The following RRM1 variants were observed in gnomAD, a reference collection of about 807,000 sequenced individuals.
RRM1 encodes ribonucleoside-diphosphate reductase large subunit.
Under a neutral mutation model 101.5 loss-of-function variants are expected in RRM1, and 19 were observed. That is an observed-to-expected ratio of 0.19 (90% confidence interval 0.13 to 0.27). The LOEUF is 0.27. Among genes scored for constraint, RRM1 ranks in the 10% least tolerant of loss-of-function variants. RRM1 has a pLI of 1.00. For synonymous variants in RRM1, 298 were observed against 323.4 expected (o/e 0.92, Z 0.84); for missense variants, 500 against 962.9 (o/e 0.52, Z 6.36).
At position 4,129,104 on chromosome 11, in the gene RRM1, C is replaced by G; in HGVS notation, c.1723C>G (p.Pro575Ala). ...ILQYDMWNVT[P>A]TDLWDWKVLK... is the part of the protein sequence containing the mutation. ...TCAGTATGATATGTGGAATGTTACT[C>G]CTACAGACCTATGGGACTGGAAGGT... The change falls in exon 15 of 19, where the codon CCT becomes GCT. Residue 575 changes from proline (P) to alanine (A), a missense_variant. This residue lies in a region of RRM1 where 106 missense variants were observed against 138.1 expected (regional missense o/e 0.77). Coordinates refer to ENST00000300738, the MANE Select transcript of RRM1 (RefSeq NM_001033.5). 1 of 1,601,526 alleles carries G rather than the reference C, an allele frequency of 6.2e-7. No individual in the cohort carries two copies. The highest frequency in any genetic ancestry group is 1.7e-5 in the Admixed American group (1 of 58,950).
chr11:4,101,784 G>C (rs140004341), intron 1 of RRM1: 4 of 476,810 alleles, frequency 8.4e-6, no homozygotes, highest in African/African-American at 6.1e-5. Context: ...ATCCGTAAAC[G>C]TCTGTCTGTA....
At position 4,127,267 on chromosome 11, in the gene RRM1, G is replaced by A; in HGVS notation, c.1692+11G>A. ...CCAGTTAGCAAAGGAGTAAGTATATGGATGGAATTGTTTTTGCCTGTGAGT... is the reference window on the plus strand; with the variant it reads ...CCAGTTAGCAAAGGAGTAAGTATATAGATGGAATTGTTTTTGCCTGTGAGT... On this transcript the variant is annotated intron_variant, in intron 14 of 18. Coordinates refer to ENST00000300738, the MANE Select transcript of RRM1 (RefSeq NM_001033.5). 6.5e-7 allele frequency: 1 copy of A among 1,540,358 alleles called. No homozygotes were observed. Among genetic ancestry groups the A allele is most frequent in the Non-Finnish European group, 8.7e-7 (1 of 1,146,446 alleles).
Position 4,118,310 on chromosome 11 carries a change from TC to T in RRM1, c.651-5del. 6.2e-7 allele frequency: 1 copy of T among 1,608,568 alleles called. No homozygotes were observed. The highest frequency in any genetic ancestry group is 1.1e-5 in the South Asian group (1 of 90,278). On this transcript the variant is annotated splice_polypyrimidine_tract_variant and intron_variant, in intron 7 of 18. Coordinates refer to ENST00000300738, the MANE Select transcript of RRM1 (RefSeq NM_001033.5). The stretch of plus-strand genomic sequence containing the variant: ...CCTTGCTCTAAGTTGAGACATTTTT[TC>T]CCCCGTAGCTGTTTTCTTCTGAGTA...
At chr11:4,108,241 T>C (rs980345904) in intron 4 of RRM1, among the ~76,000 whole-genome samples, 5 of 152,198 alleles carry the variant, frequency 3.3e-5, no homozygotes, top group African/African-American at 1.2e-4. Flanking sequence ...CCAGCCCTTT[T>C]ACACACAGGA....
chr11:4,121,490 A>T, intron 9 of RRM1, 114 bp from the exon 10 acceptor site: 2 of 592,488 alleles, frequency 3.4e-6, no homozygotes, highest in East Asian at 3.1e-5. Context: ...TATTTATGTT[A>T]TTTAATTCAT....
At chr11:4,109,559 T>C (rs2094562681) in intron 4 of RRM1, 85 bp from the exon 5 acceptor site, 2 of 1,016,914 alleles carry the variant, frequency 2.0e-6, no homozygotes, top group Non-Finnish European at 2.9e-6. Flanking sequence ...ATTTTAGTTC[T>C]GGAGTCAGGG....
intron 2 of RRM1, among the ~76,000 whole-genome samples, chr11:4,102,951 G>A (rs533272681): frequency 5.9e-5 from 9 of 152,102 alleles, no homozygotes; most frequent in African/African-American, 2.2e-4. Flanking sequence ...CTTCAAACTC[G>A]TCTTCCACCT....
chr11:4,100,189 T>C (rs1336341488), intron 1 of RRM1, among the ~76,000 whole-genome samples: 1 of 152,266 alleles, frequency 6.6e-6, no homozygotes, highest in East Asian at 1.9e-4. Context: ...GATAATGGGT[T>C]AATAGTGATG....
At chr11:4,124,120 C>T (rs1301760513) in intron 12 of RRM1, among the ~76,000 whole-genome samples, 1 of 152,072 alleles carries the variant, frequency 6.6e-6, no homozygotes, top group Non-Finnish European at 1.5e-5. Context: ...ATGGCTATGG[C>T]TGGGGGAAGG....
intron 18 of RRM1, among the ~76,000 whole-genome samples, chr11:4,136,321 G>A (rs1265883623): frequency 2.0e-5 from 3 of 151,668 alleles, no homozygotes; most frequent in Admixed American, 6.6e-5. Context: ...CTGGGTTCAA[G>A]TGATTCTCAT....
intron 12 of RRM1, among the ~76,000 whole-genome samples, chr11:4,123,977 G>A (rs1267618939): frequency 6.6e-6 from 1 of 152,204 alleles, no homozygotes; most frequent in East Asian, 1.9e-4. Context: ...TTAAAAAAAA[G>A]TTTGAGAGAG....
rs1005811461 is a variant in RRM1, at chr11:4,123,141, T to C, written c.1119-42T>C. On this transcript the variant is annotated intron_variant, in intron 11 of 18. Coordinates refer to ENST00000300738, the MANE Select transcript of RRM1 (RefSeq NM_001033.5). ...TTCAAGTTGTCTACAATAAAGTTTTTTTAGGGAATATATATTAAATAATAT... is the reference window on the plus strand; with the variant it reads ...TTCAAGTTGTCTACAATAAAGTTTTCTTAGGGAATATATATTAAATAATAT... 3 of 1,479,362 alleles carry C rather than the reference T, an allele frequency of 2.0e-6. No individual in the cohort carries two copies. The African/African-American group carries it at 4.3e-5, about 21-fold the overall frequency. 91.6% of individuals were successfully genotyped at this position (1,479,362 alleles called of 1,614,324 possible). A position where few individuals can be genotyped will look rare whatever the true frequency, so the allele number is the denominator to read the frequency against.
At chr11:4,114,089 C>T (rs1430935842) in intron 7 of RRM1, among the ~76,000 whole-genome samples, 4 of 151,742 alleles carry the variant, frequency 2.6e-5, no homozygotes, top group African/African-American at 7.3e-5. Flanking sequence ...GAGCCAAGAT[C>T]GCGCCACTGC....
At chr11:4,108,651 A>G (rs1471586291) in intron 4 of RRM1, among the ~76,000 whole-genome samples, 3 of 150,440 alleles carry the variant, frequency 2.0e-5, no homozygotes, top group East Asian at 3.9e-4. Flanking sequence ...CTAAACATGT[A>G]TCTGATGTTA....
chr11:4,130,682 ACT>A lies in RRM1; in HGVS notation c.1769+1535_1769+1536del, dbSNP rs374895540. On this transcript the variant is annotated intron_variant, in intron 15 of 18. Transcript: ENST00000300738. Reference sequence around the variant, plus strand: ...CTGTACTCCAGCCTAGGTAACTGTGACTCTGTCTCAAAAAAAAGACTTGATGT... The same window carrying A: ...CTGTACTCCAGCCTAGGTAACTGTGACTGTCTCAAAAAAAAGACTTGATGT... Among the ~76,000 whole-genome samples the A allele has an allele frequency of 6.6e-3, 1,008 of 152,082 alleles. 4 individuals carry two copies. Among genetic ancestry groups the A allele is most frequent in the Middle Eastern group, 0.027 (8 of 294 alleles).
intron 14 of RRM1, among the ~76,000 whole-genome samples, chr11:4,128,252 T>C (rs1347215904): frequency 6.6e-6 from 1 of 150,932 alleles, no homozygotes; most frequent in Non-Finnish European, 1.5e-5. Flanking sequence ...CCTCTGCTTC[T>C]CAGGTTGAAG....
chr11:4,135,655 G>A (rs1339118307), intron 18 of RRM1, among the ~76,000 whole-genome samples: 1 of 151,908 alleles, frequency 6.6e-6, no homozygotes, highest in Non-Finnish European at 1.5e-5. Context: ...GCCATTTTGT[G>A]TGCATTACCA....
Position 4,132,177 on chromosome 11 carries a change from C to A in RRM1, c.1770-109C>A. On this transcript the variant is annotated intron_variant, in intron 15 of 18. Coordinates refer to ENST00000300738, the MANE Select transcript of RRM1 (RefSeq NM_001033.5). This position sits in a 1 kb window ranked among gnomAD's most constrained non-coding sequence, Gnocchi z 4.1. ...TGAGTTCAATGCATGTACGATGTTA[C>A]ATTTACATTTACTACATTTATCTAC... 3.7e-6 allele frequency: 4 copies of A among 1,092,502 alleles called. No individual in the cohort carries two copies. The East Asian group carries it at 9.7e-5, about 27-fold the overall frequency. The allele number at this position is 1,092,502 out of a possible 1,614,324, so 67.7% of individuals were successfully genotyped here.
chr11:4,123,199 C>T lies in RRM1; in HGVS notation c.1135C>T (p.Arg379Cys), dbSNP rs897536368. The change falls in exon 12 of 19, where the codon CGT becomes TGT. Residue 379 changes from arginine to cysteine, a missense_variant. Around this residue, in one of 9 missense-constraint regions of RRM1, gnomAD observed 80 missense variants for 170.9 expected, o/e 0.47. Coordinates refer to ENST00000300738, the MANE Select transcript of RRM1 (RefSeq NM_001033.5). ...GCCTTTCAGTTATGAGAAACAAGGT[C>T]GTGTCCGCAAAGTTGTAAAAGCTCA... The part of the protein sequence containing the change: ...KLYASYEKQG[R>C]VRKVVKAQQL... 7.4e-6 allele frequency: 12 copies of T among 1,613,714 alleles called. 1 individual carries two copies. The highest frequency in any genetic ancestry group is 6.7e-5 in the African/African-American group (5 of 74,856).
Sources: gnomAD v4.1 joint callset for allele counts (sites outside exome capture counted in the v4.1 genomes callset) on GRCh38, gnomAD v4.1.1 for gene constraint, gnomAD v4.1.1 regional missense constraint, Gnocchi (gnomAD v3.1) non-coding constraint, MANE v1.5 for transcripts, NCBI Gene and HGNC (gene_info 2026-07-23, HGNC 2026-07-21) for gene names.